RNF43: variants seen among roughly 807,000 people sequenced by gnomAD.
The protein encoded by RNF43 is ring finger protein 43, also known as E3 ubiquitin-protein ligase RNF43.
RNF43 carries 37 observed loss-of-function variants against 78.4 expected under a neutral mutation model. The observed-to-expected ratio is 0.47, with a 90% CI of 0.36 to 0.62. The LOEUF is 0.62. Ranked by LOEUF, RNF43 falls within the 20% of genes least tolerant of loss-of-function variation. The pLI is 0.00. For synonymous variants in RNF43, 347 were observed against 395.0 expected, an observed-to-expected ratio of 0.88 and a Z score of 1.44; for missense variants, 774 against 1,007.9, an observed-to-expected ratio of 0.77 and a Z score of 3.14.
Position 58,391,986 on chromosome 17 carries a change from G to T in RNF43, c.253-20953C>A, listed in dbSNP as rs920121048. Among the ~76,000 whole-genome samples, 4 of 152,120 alleles carry T rather than the reference G, an allele frequency of 2.6e-5. No individual in the cohort carries two copies. The South Asian group carries it at 8.3e-4, about 32-fold the overall frequency. On this transcript the variant is annotated intron_variant, in intron 2 of 9. Transcript: ENST00000407977. ...TCTTTGCAGCTGGTAGCTAAAGGAT[G>T]GGGGTAGAAAAACGACCCTCAAGAT...
At chr17:58,371,912 G>T (rs1482962769) in intron 2 of RNF43, among the ~76,000 whole-genome samples, 1 of 152,210 alleles carries the variant, frequency 6.6e-6, no homozygotes, top group African/African-American at 2.4e-5. Context: ...CATTCACAGC[G>T]ATTTGTACAC....
intron 2 of RNF43, 86 bp downstream of exon 2, chr17:58,415,240 C>A (rs1173169374): frequency 7.1e-7 from 1 of 1,413,616 alleles, no homozygotes. Context: ...AGTAGAAGCC[C>A]GTGTATGGTA....
chr17:58,415,423 G>A lies in RNF43; in HGVS notation c.155C>T (p.Pro52Leu), dbSNP rs374988075. ...AEQKAIIRVI[P>L]LKMDPTGKLN... is the part of the protein sequence containing the mutation. ...TTTTCCTGTGGGGTCCATTTTCAAG[G>A]GGATCACTCTGATAATAGCTTTCTG... Residue 52 changes from proline (P) to leucine (L), a missense_variant, in exon 2 of 10, where the codon CCC (proline) becomes CTC (leucine). Transcript: ENST00000407977. 1.2e-6 allele frequency: 2 copies of A among 1,614,176 alleles called. No homozygotes were observed. The highest frequency in any genetic ancestry group is 1.7e-6 in the Non-Finnish European group (2 of 1,180,018).
At chr17:58,387,011 T>C (rs1012393229) in intron 2 of RNF43, among the ~76,000 whole-genome samples, 1 of 152,162 alleles carries the variant, frequency 6.6e-6, no homozygotes, top group Non-Finnish European at 1.5e-5. Context: ...CATAGCACAA[T>C]GCTCTAACAT....
At chr17:58,383,961 C>G (rs924198394) in intron 2 of RNF43, among the ~76,000 whole-genome samples, 2 of 152,200 alleles carry the variant, frequency 1.3e-5, no homozygotes, top group Non-Finnish European at 2.9e-5. Flanking sequence ...ACATTTGATT[C>G]CACCACCCTG....
intron 2 of RNF43, among the ~76,000 whole-genome samples, chr17:58,383,519 T>C (rs1245951628): frequency 6.6e-6 from 1 of 152,034 alleles, no homozygotes; most frequent in Non-Finnish European, 1.5e-5. Context: ...CCCAGGCTGG[T>C]TTCTAAATCC....
chr17:58,355,097 A>G, intron 9 of RNF43, 111 bp from the exon 10 acceptor site: 1 of 975,334 alleles, frequency 1.0e-6, no homozygotes, highest in South Asian at 1.3e-5. Flanking sequence ...AGGGAGAAGC[A>G]GAGACTGTCT....
chr17:58,354,948 C>G lies in RNF43; in HGVS notation c.2347G>C (p.Val783Leu). 1 of 1,614,106 alleles carries G rather than the reference C, an allele frequency of 6.2e-7. No homozygotes were observed. Among genetic ancestry groups the G allele is most frequent in the Non-Finnish European group, 8.5e-7 (1 of 1,179,940 alleles). ...TGGAGCTAGGCCTGAACATCTCACA[C>G]AGCCTGTTCACACAGCTCCTCGAGT... ...EELEELCEQAV is the reference protein window; with the variant it reads ...EELEELCEQAL The change falls in exon 10 of 10, where the codon GTG becomes CTG. Residue 783 changes from valine (V) to leucine (L), a missense_variant. Coordinates refer to ENST00000407977, the MANE Select transcript of RNF43 (RefSeq NM_017763.6).
At chr17:58,387,610 A>G (rs1332074018) in intron 2 of RNF43, among the ~76,000 whole-genome samples, 1 of 152,076 alleles carries the variant, frequency 6.6e-6, no homozygotes, top group Non-Finnish European at 1.5e-5. Flanking sequence ...CAGTGAGCCA[A>G]GACTGTGCCA....
chr17:58,362,622 C>T lies in RNF43; in HGVS notation c.609G>A (p.Met203Ile). 1.9e-6 allele frequency: 3 copies of T among 1,612,048 alleles called. No homozygotes were observed. In the East Asian group the frequency reaches 6.7e-5, roughly 36 times the overall value. Residue 203 changes from methionine to isoleucine, a missense_variant, in exon 6 of 10, where the codon ATG becomes ATA. By Grantham distance (10) the Met-to-Ile change is conservative. Coordinates refer to ENST00000407977, the MANE Select transcript of RNF43 (RefSeq NM_017763.6). ...AWPDYDVWIL[M>I]TVVGTIFVII... ...TCACAAAGATGGTGCCCACCACTGT[C>T]ATTAGGATCCACACATCATAATCTG...
downstream of RNF43, chr17:58,353,047 C>G (rs1350240002): frequency 4.7e-6 from 1 of 214,282 alleles, no homozygotes; most frequent in Non-Finnish European, 9.4e-6. Flanking sequence ...AGCACCAGCT[C>G]TCTGTCCTCG....
chr17:58,391,694 G>C (rs564680936), intron 2 of RNF43, among the ~76,000 whole-genome samples: 3 of 152,164 alleles, frequency 2.0e-5, no homozygotes, highest in Non-Finnish European at 4.4e-5. Context: ...TTACCCACCC[G>C]TCAGATATTA....
chr17:58,375,162 T>A (rs563396231), intron 2 of RNF43, among the ~76,000 whole-genome samples: 1 of 152,264 alleles, frequency 6.6e-6, no homozygotes, highest in Admixed American at 6.5e-5. Flanking sequence ...CTCCCTAGGG[T>A]CACTTCATCC....
chr17:58,391,551 T>C (rs546332605), intron 2 of RNF43, among the ~76,000 whole-genome samples: 5 of 152,352 alleles, frequency 3.3e-5, no homozygotes, highest in African/African-American at 1.2e-4. Flanking sequence ...CTGGACGCCC[T>C]GGCTTCTGAG....
chr17:58,359,523 G>C (rs1439394374), intron 8 of RNF43, among the ~76,000 whole-genome samples: 1 of 151,894 alleles, frequency 6.6e-6, no homozygotes, highest in Admixed American at 6.6e-5. Flanking sequence ...AGAATGGCGT[G>C]AACCTGGGAG....
Position 58,362,638 on chromosome 17 carries a change from T to C in RNF43, c.593A>G (p.Asp198Gly). The C allele has an allele frequency of 6.2e-7, 1 of 1,610,188 alleles. No homozygotes were observed. Among genetic ancestry groups the C allele is most frequent in the South Asian group, 1.1e-5 (1 of 90,598 alleles). Residue 198 changes from aspartate (D) to glycine (G), a missense_variant, in exon 6 of 10, where the codon GAT becomes GGT. Coordinates refer to ENST00000407977, the MANE Select transcript of RNF43 (RefSeq NM_017763.6). The stretch of plus-strand genomic sequence containing the variant: ...CACCACTGTCATTAGGATCCACACA[T>C]CATAATCTGGCTGGGGAGTGAGCAG... The part of the protein sequence containing the change: ...LKEPPAWPDY[D>G]VWILMTVVGT...
Position 58,357,559 on chromosome 17 carries a change from T to A in RNF43, c.2217A>T (p.Pro739=), listed in dbSNP as rs1192959763. 1.9e-6 allele frequency: 3 copies of A among 1,614,174 alleles called. No homozygotes were observed. The highest frequency in any genetic ancestry group is 2.5e-6 in the Non-Finnish European group (3 of 1,180,020). The change falls in exon 9 of 10, where the codon CCA becomes CCT. Residue 739 remains proline, a synonymous_variant. Transcript: ENST00000407977. This position sits in a 1 kb window ranked among gnomAD's most constrained non-coding sequence, Gnocchi z 4.5. ...TCCATTCAGAAGGCCCCTCCCCAGG[T>A]GGATGTGGTTCCAGGGGCTGGCGAG... ...LTPRQPLEPH[P]PGEGPSEWSS... is the part of the protein sequence containing the mutation.
chr17:58,367,823 G>C (rs565904381), intron 3 of RNF43, among the ~76,000 whole-genome samples: 76 of 152,202 alleles, frequency 5.0e-4, no homozygotes, highest in Non-Finnish European at 9.6e-4. Context: ...CCGCAACCTT[G>C]TTAACTACAA....
At chr17:58,356,756 G>A (rs1469996412) in intron 9 of RNF43, among the ~76,000 whole-genome samples, 3 of 151,962 alleles carry the variant, frequency 2.0e-5, no homozygotes, top group Admixed American at 2.0e-4. Flanking sequence ...TCCCCCCGAG[G>A]AACACTTCTT....
Sources: gnomAD v4.1 joint callset for allele counts (sites outside exome capture counted in the v4.1 genomes callset) on GRCh38, gnomAD v4.1.1 for gene constraint, Gnocchi (gnomAD v3.1) non-coding constraint, MANE v1.5 for transcripts, NCBI Gene and HGNC (gene_info 2026-07-23, HGNC 2026-07-21) for gene names.